ERICH6B: variants seen among roughly 807,000 people sequenced by gnomAD.
The protein encoded by ERICH6B is glutamate-rich protein 6B.
Under a neutral mutation model 80.0 loss-of-function variants are expected in ERICH6B, and 69 were observed. That is an observed-to-expected ratio of 0.86 (90% CI 0.71 to 1.05). The LOEUF (loss-of-function observed/expected upper bound fraction) is 1.05. ERICH6B is among the 50% of genes least tolerant of loss of function. The probability of loss-of-function intolerance (pLI) is 0.00; values close to 1 mark genes in which losing one functional copy is unlikely to be tolerated. For missense variants in ERICH6B, 754 were observed against 796.1 expected, an observed-to-expected ratio of 0.95 and a Z score of 0.64; for synonymous variants, 283 against 291.9, an observed-to-expected ratio of 0.97 and a Z score of 0.31.
chr13:45,575,018 T>G, intron 7 of ERICH6B, 88 bp from the exon 8 acceptor site: 1 of 833,838 alleles, frequency 1.2e-6, no homozygotes, highest in Non-Finnish European at 1.9e-6. Flanking sequence ...AGAAATAGAT[T>G]GATGGTATTT....
chr13:45,550,061 G>T lies in ERICH6B; in HGVS notation c.1494-16C>A. Reference sequence around the variant, plus strand: ...TGATGGATAACTGGGAGAAGGTTAAGGCACAAGTAGTCAGTCCTTGGGGTC... The same window carrying T: ...TGATGGATAACTGGGAGAAGGTTAATGCACAAGTAGTCAGTCCTTGGGGTC... On this transcript the variant is annotated splice_polypyrimidine_tract_variant and intron_variant, in intron 12 of 14. Transcript: ENST00000298738. The T allele has an allele frequency of 6.4e-7, 1 of 1,551,152 alleles. No individual in the cohort carries two copies. The highest frequency in any genetic ancestry group is 1.2e-5 in the South Asian group (1 of 83,886).
At chr13:45,572,934 A>G (rs1028793535) in intron 8 of ERICH6B, among the ~76,000 whole-genome samples, 1 of 151,714 alleles carries the variant, frequency 6.6e-6, no homozygotes, top group Non-Finnish European at 1.5e-5. Flanking sequence ...ATGGGCCAGA[A>G]TTATGACCTT....
At chr13:45,550,382 G>A (rs1874172731) in intron 11 of ERICH6B, 66 bp from the exon 12 acceptor site, 1 of 1,360,916 alleles carries the variant, frequency 7.3e-7, no homozygotes, top group Non-Finnish European at 1.0e-6. Context: ...TCCTACTGCA[G>A]AGCACGGTGT....
intron 2 of ERICH6B, among the ~76,000 whole-genome samples, chr13:45,597,829 T>C (rs1405655071): frequency 1.4e-4 from 21 of 152,316 alleles, no homozygotes; most frequent in African/African-American, 5.1e-4. Context: ...GTCAGTGTTA[T>C]TCTTTTTTGA....
At chr13:45,575,042 C>A in intron 7 of ERICH6B, 112 bp from the exon 8 acceptor site, 1 of 672,826 alleles carries the variant, frequency 1.5e-6, no homozygotes, top group South Asian at 1.9e-5. Context: ...TTTGCCCTTC[C>A]AAAAAATGCA....
At chr13:45,543,654 A>G (rs1020955696) in intron 14 of ERICH6B, among the ~76,000 whole-genome samples, 2 of 152,150 alleles carry the variant, frequency 1.3e-5, no homozygotes, top group African/African-American at 4.8e-5. Flanking sequence ...CCCCATGGAC[A>G]CCTTGATCTC....
chr13:45,610,857 G>A (rs1325689), intron 1 of ERICH6B, among the ~76,000 whole-genome samples: 11,610 of 146,916 alleles, frequency 0.079, 686 homozygotes, highest in East Asian at 0.27. Flanking sequence ...GTGTGTGTGT[G>A]TATATATATA....
At chr13:45,567,845 TC>T (rs1469030587) in intron 9 of ERICH6B, among the ~76,000 whole-genome samples, 10 of 152,190 alleles carry the variant, frequency 6.6e-5, no homozygotes, top group Admixed American at 6.5e-4. Flanking sequence ...CTCAAGGCTC[TC>T]CCTCCTTCAG....
chr13:45,550,913 A>G (rs886655340), intron 11 of ERICH6B, among the ~76,000 whole-genome samples: 1 of 152,134 alleles, frequency 6.6e-6, no homozygotes, highest in Non-Finnish European at 1.5e-5. Context: ...ATCTGCAAAG[A>G]CTATTTCCAG....
intron 11 of ERICH6B, 80 bp from the exon 12 acceptor site, chr13:45,550,396 C>T: frequency 8.3e-7 from 1 of 1,204,632 alleles, no homozygotes; most frequent in Non-Finnish European, 1.2e-6. Context: ...ACGGTGTGGA[C>T]CCCATCTGCT....
At position 45,596,640 on chromosome 13, in the gene ERICH6B, C is replaced by T. The variant is rs971113561; in HGVS notation, c.366G>A (p.Leu122=). The change falls in exon 3 of 15, where the codon CTG becomes CTA. Residue 122 remains leucine, a synonymous_variant. Coordinates refer to ENST00000298738, the MANE Select transcript of ERICH6B (RefSeq NM_182542.3). ...EEEYLGKEGY[L]EEEEYLGKEE... is the part of the protein sequence containing the mutation. ...CCTTCCCCAGGTACTCTTCCTCCTC[C>T]AGATACCCTTCCTTCCCCAGATACT... 6.4e-6 allele frequency: 10 copies of T among 1,550,460 alleles called. No homozygotes were observed. The highest frequency in any genetic ancestry group is 8.7e-6 in the Non-Finnish European group (10 of 1,145,898).
In ERICH6B at chr13:45,544,740, A is replaced by C; in HGVS notation, c.1872+20T>G. The stretch of plus-strand genomic sequence containing the variant: ...GTGGGCACCCCACCTGGTGGAGGGT[A>C]TGGGGAGTTGTGACCTTACCTTGTA... On this transcript the variant is annotated intron_variant, in intron 14 of 14. Coordinates refer to ENST00000298738, the MANE Select transcript of ERICH6B (RefSeq NM_182542.3). The C allele has an allele frequency of 6.5e-7, 1 of 1,541,320 alleles. No homozygotes were observed. Among genetic ancestry groups the C allele is most frequent in the Non-Finnish European group, 8.8e-7 (1 of 1,137,718 alleles).
intron 7 of ERICH6B, 35 bp downstream of exon 7, chr13:45,579,898 C>A: frequency 6.4e-7 from 1 of 1,550,756 alleles, no homozygotes; most frequent in East Asian, 2.4e-5. Flanking sequence ...CTGAAGAAAG[C>A]AGGGATCTTT....
At chr13:45,602,027 C>A (rs752977818) in intron 2 of ERICH6B, among the ~76,000 whole-genome samples, 6 of 152,124 alleles carry the variant, frequency 3.9e-5, no homozygotes, top group Non-Finnish European at 8.8e-5. Context: ...TGTTGTGGGT[C>A]CTTCTGAGGC....
intron 3 of ERICH6B, among the ~76,000 whole-genome samples, chr13:45,592,582 C>T (rs1448935942): frequency 1.4e-4 from 22 of 152,148 alleles, no homozygotes; most frequent in Admixed American, 1.4e-3. Flanking sequence ...ATTCGATGCA[C>T]TATGTATATC....
At chr13:45,563,504 C>T (rs917498478) in intron 10 of ERICH6B, among the ~76,000 whole-genome samples, 1 of 152,130 alleles carries the variant, frequency 6.6e-6, no homozygotes, top group African/African-American at 2.4e-5. Flanking sequence ...TTCAGATCCC[C>T]CACCTGCCCC....
intron 14 of ERICH6B, among the ~76,000 whole-genome samples, chr13:45,544,263 C>T (rs375513536): frequency 1.5e-4 from 23 of 152,198 alleles, no homozygotes; most frequent in Middle Eastern, 3.4e-3. Context: ...TTAGAAGAGA[C>T]GGGGTTTGAC....
chr13:45,549,967 ACTGT>A lies in ERICH6B; in HGVS notation c.1568_1571del (p.Asp523ValfsTer2). ...TAAGGGCCCGGATCCTCCCTTCTAGACTGTCTTCCAGAATGATGTATGTGAACTT... is the reference window on the plus strand; with the variant it reads ...TAAGGGCCCGGATCCTCCCTTCTAGACTTCCAGAATGATGTATGTGAACTT... On this transcript the variant is annotated frameshift_variant, in exon 13 of 15. Coordinates refer to ENST00000298738, the MANE Select transcript of ERICH6B (RefSeq NM_182542.3). LOFTEE classifies it high-confidence loss of function. The A allele has an allele frequency of 1.9e-6, 3 of 1,551,762 alleles. No individual in the cohort carries two copies. Among genetic ancestry groups the A allele is most frequent in the Non-Finnish European group, 1.7e-6 (2 of 1,147,014 alleles).
In ERICH6B at chr13:45,596,657, C is replaced by G; in HGVS notation, c.349G>C (p.Gly117Arg). 6.4e-7 allele frequency: 1 copy of G among 1,551,790 alleles called. No homozygotes were observed. The highest frequency in any genetic ancestry group is 2.0e-5 in the Admixed American group (1 of 50,988). ...TCCTCCTCCAGATACCCTTCCTTCC[C>G]CAGATACTCTTCCTCTTCAATATAC... is the stretch of plus-strand genomic sequence containing the variant. ...EEYIEEEEYLGKEGYLEEEEY... is the reference protein window; with the variant it reads ...EEYIEEEEYLRKEGYLEEEEY... Residue 117 changes from glycine (G) to arginine (R), a missense_variant, in exon 3 of 15, where the codon GGG becomes CGG. By Grantham distance (125) the Gly-to-Arg change is moderately radical. Coordinates refer to ENST00000298738, the MANE Select transcript of ERICH6B (RefSeq NM_182542.3).
Sources: gnomAD v4.1 joint callset for allele counts (sites outside exome capture counted in the v4.1 genomes callset) on GRCh38, gnomAD v4.1.1 for gene constraint, MANE v1.5 for transcripts, NCBI Gene and HGNC (gene_info 2026-07-23, HGNC 2026-07-21) for gene names.